Variants in INPP5D observed in about 807,000 individuals in gnomAD.
The protein encoded by INPP5D is phosphatidylinositol 3,4,5-trisphosphate 5-phosphatase 1.
INPP5D carries 33 observed loss-of-function variants against 122.9 expected under a neutral mutation model. The ratio of observed to expected loss-of-function variants is 0.27; its 90% CI spans 0.20 to 0.36. INPP5D has a LOEUF of 0.36. INPP5D is among the 10% of genes least tolerant of loss of function. INPP5D has a pLI of 1.00. For synonymous variants in INPP5D, 584 were observed against 576.2 expected (o/e 1.01, Z -0.19); for missense variants, 1,053 against 1,412.7 (o/e 0.75, Z 4.08).
intron 2 of INPP5D, among the ~76,000 whole-genome samples, chr2:233,091,697 C>A (rs1352568422): frequency 1.3e-5 from 2 of 152,362 alleles, no homozygotes; most frequent in African/African-American, 4.8e-5. Flanking sequence ...CATGAGCAAC[C>A]TTATCTCCCT....
chr2:233,086,384 G>C (rs1056611528), intron 2 of INPP5D, among the ~76,000 whole-genome samples: 1 of 151,976 alleles, frequency 6.6e-6, no homozygotes, highest in Non-Finnish European at 1.5e-5. Flanking sequence ...TCACTATGTT[G>C]GTCAGGCTGG....
chr2:233,086,181 C>CTTTCTTTCTTTA (rs1691841493), intron 2 of INPP5D, among the ~76,000 whole-genome samples: 1 of 138,786 alleles, frequency 7.2e-6, no homozygotes. Context: ...TTCTTTCTTT[C>CTTTCTTTCTTTA]TTTCTTTCCT....
intron 6 of INPP5D, chr2:233,145,828 G>C (rs1020160514): frequency 1.3e-5 from 6 of 479,238 alleles, no homozygotes; most frequent in African/African-American, 1.2e-4. Flanking sequence ...AGTAGGACGG[G>C]AACACCATGC....
At chr2:233,194,560 C>T (rs548933630) in intron 23 of INPP5D, among the ~76,000 whole-genome samples, 18 of 142,904 alleles carry the variant, frequency 1.3e-4, no homozygotes, top group Admixed American at 1.0e-3. Context: ...TGCAGTGGCA[C>T]GATCTCAGCT....
intron 9 of INPP5D, among the ~76,000 whole-genome samples, chr2:233,150,670 C>G (rs908301140): frequency 6.6e-6 from 1 of 152,168 alleles, no homozygotes; most frequent in Non-Finnish European, 1.5e-5. Context: ...CAGATATTTG[C>G]GTAGCATCTT....
chr2:233,067,447 A>G (rs1325253210), intron 1 of INPP5D, among the ~76,000 whole-genome samples: 1 of 152,250 alleles, frequency 6.6e-6, no homozygotes, highest in Non-Finnish European at 1.5e-5. Context: ...TCATCAGTTG[A>G]CAGGCATTTG....
intron 17 of INPP5D, among the ~76,000 whole-genome samples, chr2:233,174,204 T>G (rs959614272): frequency 2.6e-5 from 4 of 152,256 alleles, no homozygotes; most frequent in Admixed American, 6.5e-5. Flanking sequence ...GAGTGACAGT[T>G]GTTTATCATT....
At chr2:233,199,783 C>G (rs1232449069) in intron 25 of INPP5D, among the ~76,000 whole-genome samples, 2 of 149,860 alleles carry the variant, frequency 1.3e-5, no homozygotes, top group African/African-American at 4.9e-5. Flanking sequence ...GAGCTGAGAT[C>G]ACACCACTGC....
rs1423488667 is a variant in INPP5D at position 233,081,945 on chromosome 2, G to A, written c.198+2547G>A. ...AGTCTGTGTATGAATCGGCTGTCTT[G>A]GAGCAGGTACCCCCCTCTGCCTCTC... On this transcript the variant is annotated intron_variant, in intron 2 of 26. Transcript: ENST00000445964. Among the ~76,000 whole-genome samples, 4 of 152,268 alleles carry A rather than the reference G, an allele frequency of 2.6e-5. No homozygotes were observed. The South Asian group carries it at 8.3e-4, about 32-fold the overall frequency.
rs1048951226 is a variant in INPP5D at position 233,206,062 on chromosome 2, G to T, written c.3568-644G>T. On this transcript the variant is annotated intron_variant, in intron 26 of 26. Transcript: ENST00000445964. This position sits in a 1 kb window ranked among gnomAD's most constrained non-coding sequence, Gnocchi z 4.0. ...ACACTGCACTCCAGCCTGGGCGACA[G>T]AGTGAGACTCCATCTCAAAAAAGAG... 1.7e-4 allele frequency among the ~76,000 whole-genome samples: 26 copies of T among 152,260 alleles called. No individual in the cohort carries two copies. Among genetic ancestry groups the T allele is most frequent in the African/African-American group, 6.0e-4 (25 of 41,562 alleles).
intron 2 of INPP5D, among the ~76,000 whole-genome samples, chr2:233,114,357 G>T (rs1009984787): frequency 4.6e-5 from 7 of 152,208 alleles, no homozygotes; most frequent in African/African-American, 1.2e-4. Context: ...GTGGTTAAAG[G>T]TTGAGACCAT....
At position 233,127,067 on chromosome 2, in the gene INPP5D, G is replaced by T. The variant is rs566236569; in HGVS notation, c.524+1148G>T. ...CCACCTGCTGACCTCTCCTACTAAG[G>T]CTCGTACACCTCCCGCCAACTCCAT... On this transcript the variant is annotated intron_variant, in intron 4 of 26. Transcript: ENST00000445964. Among the ~76,000 whole-genome samples, 9 of 152,256 alleles carry T rather than the reference G, an allele frequency of 5.9e-5. No homozygotes were observed. The South Asian group carries it at 1.9e-3, about 32-fold the overall frequency.
intron 25 of INPP5D, among the ~76,000 whole-genome samples, chr2:233,202,516 C>CCA (rs1695366918): frequency 6.6e-6 from 1 of 152,184 alleles, no homozygotes; most frequent in Admixed American, 6.5e-5. Flanking sequence ...TGTGTGAGGA[C>CCA]GACATCCCGC....
chr2:233,101,275 A>G (rs2106233653), intron 2 of INPP5D, among the ~76,000 whole-genome samples: 1 of 152,192 alleles, frequency 6.6e-6, no homozygotes, highest in Non-Finnish European at 1.5e-5. Context: ...ATTCACAACC[A>G]GCTCTTGGGG....
chr2:233,098,612 G>T (rs544617711), intron 2 of INPP5D, among the ~76,000 whole-genome samples: 17 of 152,254 alleles, frequency 1.1e-4, no homozygotes, highest in African/African-American at 2.6e-4. Flanking sequence ...AACCAGGCAG[G>T]TCTCTCTTGA....
chr2:233,198,490 G>C, intron 25 of INPP5D, 114 bp downstream of exon 25: 1 of 1,439,974 alleles, frequency 6.9e-7, no homozygotes, highest in African/African-American at 1.4e-5. Flanking sequence ...TGTCCACTTG[G>C]CTCATGACTT....
At chr2:233,167,473 C>T (rs1052067386) in intron 13 of INPP5D, among the ~76,000 whole-genome samples, 10 of 152,136 alleles carry the variant, frequency 6.6e-5, no homozygotes, top group Admixed American at 2.6e-4. Flanking sequence ...CCCAAGGCCC[C>T]GGGATAAGAA....
At chr2:233,094,383 C>T (rs1383063555) in intron 2 of INPP5D, among the ~76,000 whole-genome samples, 2 of 151,590 alleles carry the variant, frequency 1.3e-5, no homozygotes, top group Non-Finnish European at 2.9e-5. Flanking sequence ...CTTAGTGGTG[C>T]ATGCCTGTAG....
At chr2:233,154,574 T>G (rs1693999411) in intron 9 of INPP5D, among the ~76,000 whole-genome samples, 1 of 152,226 alleles carries the variant, frequency 6.6e-6, no homozygotes, top group Non-Finnish European at 1.5e-5. Context: ...ATTACAAAGT[T>G]TTCCAGAGCT....
Sources: allele counts gnomAD v4.1 joint callset (sites outside exome capture counted in the v4.1 genomes callset), GRCh38; gene constraint gnomAD v4.1.1; non-coding constraint Gnocchi (gnomAD v3.1); transcripts MANE v1.5; gene names NCBI Gene and HGNC (gene_info 2026-07-23, HGNC 2026-07-21).